The following FMN1 variants were observed in gnomAD, a reference collection of about 807,000 sequenced individuals.
FMN1 encodes the protein formin 1.
Under a neutral mutation model 132.4 loss-of-function variants are expected in FMN1, and 110 were observed. The observed-to-expected ratio is 0.83, with a 90% confidence interval of 0.71 to 0.97. The LOEUF (loss-of-function observed/expected upper bound fraction) is 0.97. Ranked by LOEUF, FMN1 falls within the 50% of genes least tolerant of loss-of-function variation. The pLI is 0.00. For synonymous variants in FMN1, 722 were observed against 651.7 expected, an observed-to-expected ratio of 1.11 and a Z score of -1.64; for missense variants, 1,792 against 1,705.3, an observed-to-expected ratio of 1.05 and a Z score of -0.90.
At chr15:33,059,660 C>G (rs112841363) in intron 6 of FMN1, among the ~76,000 whole-genome samples, 1 of 152,190 alleles carries the variant, frequency 6.6e-6, no homozygotes, top group Non-Finnish European at 1.5e-5. Context: ...AATTATTACA[C>G]ATAATTTATC....
chr15:33,135,276 G>A (rs1963715131), intron 4 of FMN1, among the ~76,000 whole-genome samples: 1 of 152,204 alleles, frequency 6.6e-6, no homozygotes. Context: ...AAAGGCCAGT[G>A]TAACCTTTTG....
At chr15:33,014,382 TTGA>T (rs2034916224) in intron 6 of FMN1, among the ~76,000 whole-genome samples, 1 of 152,160 alleles carries the variant, frequency 6.6e-6, no homozygotes, top group African/African-American at 2.4e-5. Context: ...AAAAGAGAAC[TTGA>T]CCCTAGCATT....
At chr15:33,061,126 C>A (rs553046217) in intron 6 of FMN1, among the ~76,000 whole-genome samples, 2 of 152,244 alleles carry the variant, frequency 1.3e-5, no homozygotes, top group African/African-American at 4.8e-5. Context: ...GTCATGTTTT[C>A]TTCTGTGCTT....
chr15:33,020,147 CAGA>C (rs1330951371), intron 6 of FMN1, among the ~76,000 whole-genome samples: 1 of 152,188 alleles, frequency 6.6e-6, no homozygotes, highest in Admixed American at 6.5e-5. Flanking sequence ...GTTGGTCAGT[CAGA>C]AGGTCTGGAA....
chr15:32,929,539 C>G (rs1197333994), intron 9 of FMN1, among the ~76,000 whole-genome samples: 2 of 152,150 alleles, frequency 1.3e-5, no homozygotes, highest in East Asian at 3.9e-4. Context: ...AGAACTTTTT[C>G]ACCTTGCGTA....
chr15:33,110,779 C>T (rs538743920), intron 4 of FMN1, among the ~76,000 whole-genome samples: 3 of 150,278 alleles, frequency 2.0e-5, no homozygotes, highest in Admixed American at 6.7e-5. Context: ...ATTCCTTTAG[C>T]CATTTTCTCT....
intron 17 of FMN1, among the ~76,000 whole-genome samples, chr15:32,830,971 A>C (rs913287040): frequency 6.6e-6 from 1 of 152,070 alleles, no homozygotes; most frequent in Non-Finnish European, 1.5e-5. Context: ...CCACCACTAT[A>C]ATCTCCCGCC....
At chr15:33,119,063 C>T (rs983646973) in intron 4 of FMN1, among the ~76,000 whole-genome samples, 4 of 152,114 alleles carry the variant, frequency 2.6e-5, no homozygotes, top group Admixed American at 6.5e-5. Flanking sequence ...TCAACTTATG[C>T]GACAAAACAA....
intron 6 of FMN1, among the ~76,000 whole-genome samples, chr15:33,042,466 C>T (rs2036484510): frequency 6.6e-6 from 1 of 152,112 alleles, no homozygotes; most frequent in Admixed American, 6.5e-5. Flanking sequence ...TTGAGGTAAT[C>T]TGAATGATCA....
At chr15:32,926,959 A>T (rs893451452) in intron 9 of FMN1, among the ~76,000 whole-genome samples, 9 of 151,926 alleles carry the variant, frequency 5.9e-5, no homozygotes, top group Non-Finnish European at 1.0e-4. Flanking sequence ...TAATTTTTAA[A>T]TTTTTTTATA....
At chr15:33,084,856 A>C (rs75706966) in intron 5 of FMN1, among the ~76,000 whole-genome samples, 5,761 of 152,290 alleles carry the variant, frequency 0.038, 136 homozygotes, top group Non-Finnish European at 0.061. Context: ...AACTCCCACC[A>C]ATTATTTCAA....
chr15:33,100,806 T>A (rs1014116645), intron 4 of FMN1, among the ~76,000 whole-genome samples: 1 of 152,150 alleles, frequency 6.6e-6, no homozygotes, highest in African/African-American at 2.4e-5. Flanking sequence ...CACCAAAATA[T>A]AATCTATGAC....
intron 17 of FMN1, among the ~76,000 whole-genome samples, chr15:32,842,937 C>T (rs977490047): frequency 5.9e-5 from 9 of 151,848 alleles, no homozygotes; most frequent in African/African-American, 1.9e-4. Context: ...GCCATCCTGG[C>T]CAACATGGAG....
At chr15:33,125,196 C>T (rs1052450364) in intron 4 of FMN1, among the ~76,000 whole-genome samples, 2 of 151,510 alleles carry the variant, frequency 1.3e-5, no homozygotes, top group Non-Finnish European at 2.9e-5. Context: ...ATCACTTACT[C>T]AGCTTAAGAA....
intron 7 of FMN1, among the ~76,000 whole-genome samples, chr15:32,979,099 G>C (rs2032436642): frequency 6.6e-6 from 1 of 152,130 alleles, no homozygotes; most frequent in Non-Finnish European, 1.5e-5. Context: ...CAGAGGAGTG[G>C]TTGGTGATAC....
intron 4 of FMN1, among the ~76,000 whole-genome samples, chr15:33,112,472 C>G (rs1416287411): frequency 6.6e-6 from 1 of 152,106 alleles, no homozygotes; most frequent in Non-Finnish European, 1.5e-5. Flanking sequence ...AAGTACTAAG[C>G]ACAACTATGC....
At chr15:32,804,578 T>C (rs979117678) in intron 17 of FMN1, among the ~76,000 whole-genome samples, 3 of 151,678 alleles carry the variant, frequency 2.0e-5, no homozygotes, top group African/African-American at 7.3e-5. Flanking sequence ...GTTTGTTACA[T>C]ATGTATACAT....
chr15:33,110,221 A>G (rs2039647191), intron 4 of FMN1, among the ~76,000 whole-genome samples: 1 of 152,098 alleles, frequency 6.6e-6, no homozygotes, highest in Non-Finnish European at 1.5e-5. Context: ...AAAAACCATA[A>G]GCAAGTAAAG....
intron 19 of FMN1, among the ~76,000 whole-genome samples, chr15:32,795,567 A>G (rs960389736): frequency 6.7e-6 from 1 of 149,862 alleles, no homozygotes; most frequent in African/African-American, 2.5e-5. Flanking sequence ...GACTGGCCCA[A>G]GATCACATAG....
Sources: gnomAD v4.1 joint callset for allele counts (sites outside exome capture counted in the v4.1 genomes callset) on GRCh38, gnomAD v4.1.1 for gene constraint, MANE v1.5 for transcripts, NCBI Gene and HGNC (gene_info 2026-07-23, HGNC 2026-07-21) for gene names.